Variants in FMNL2 observed in about 807,000 individuals in gnomAD.
The protein encoded by FMNL2 is formin like 2.
In FMNL2, 51 loss-of-function variants were observed where a neutral mutation model predicts 130.2. The observed-to-expected ratio is 0.39, with a 90% CI of 0.31 to 0.49. The LOEUF is 0.49. Ranked by LOEUF, FMNL2 falls within the 20% of genes least tolerant of loss-of-function variation. The probability of loss-of-function intolerance (pLI) is 0.85; values close to 1 mark genes in which losing one functional copy is unlikely to be tolerated. For missense variants in FMNL2, 977 were observed against 1,316.2 expected (o/e 0.74, Z 3.99); for synonymous variants, 465 against 467.1 (o/e 1.00, Z 0.06).
At position 152,560,875 on chromosome 2, in the gene FMNL2, T is replaced by G; in HGVS notation, c.444-8T>G. 6.2e-7 allele frequency: 1 copy of G among 1,603,372 alleles called. No individual in the cohort carries two copies. Among genetic ancestry groups the G allele is most frequent in the Non-Finnish European group, 8.5e-7 (1 of 1,173,256 alleles). ...TCAGTCTTCAATGGCATTTCTCTTT[T>G]GTTTTAGTTTTGACTTTGAAAGTGT... On this transcript the variant is annotated splice_polypyrimidine_tract_variant and splice_region_variant and intron_variant, in intron 5 of 25. Transcript: ENST00000288670.
Position 152,367,073 on chromosome 2 carries a change from G to GTGTTTTTTT in FMNL2, c.117+31354_117+31355insGTTTTTTTT, listed in dbSNP as rs1553869242. Among the ~76,000 whole-genome samples the GTGTTTTTTT allele has an allele frequency of 1.0e-4, 9 of 88,184 alleles. 4 individuals are homozygous for GTGTTTTTTT. The highest frequency in any genetic ancestry group is 2.1e-4 in the Non-Finnish European group (7 of 33,574). 57.9% of individuals were successfully genotyped at this position (88,184 alleles called of 152,430 possible). A position where few individuals can be genotyped will look rare whatever the true frequency, so the allele number is the denominator to read the frequency against. On this transcript the variant is annotated intron_variant, in intron 1 of 25. Transcript: ENST00000288670. ...CTACCCTGTTATTGTGTGTGTGTGT[G>GTGTTTTTTT]TTTGTTTTTTTTTTTTTTCCCAGAT... is the stretch of plus-strand genomic sequence containing the variant.
At chr2:152,390,638 C>T (rs1161564838) in intron 1 of FMNL2, 12 of 905,370 alleles carry the variant, frequency 1.3e-5, no homozygotes, top group South Asian at 2.6e-5. Flanking sequence ...TCAACTAGCC[C>T]GTGCTTTTTC....
intron 1 of FMNL2, among the ~76,000 whole-genome samples, chr2:152,393,230 A>G (rs1579558568): frequency 6.6e-6 from 1 of 152,344 alleles, no homozygotes; most frequent in South Asian, 2.1e-4. Context: ...GAGGAAACAC[A>G]TAGCACATTA....
intron 1 of FMNL2, among the ~76,000 whole-genome samples, chr2:152,356,985 T>C (rs1481903613): frequency 6.7e-6 from 1 of 148,988 alleles, no homozygotes; most frequent in African/African-American, 2.4e-5. Flanking sequence ...AAGTTTAATA[T>C]ATAACGATAA....
At chr2:152,586,859 T>G (rs1197880351) in intron 9 of FMNL2, among the ~76,000 whole-genome samples, 2 of 152,176 alleles carry the variant, frequency 1.3e-5, no homozygotes, top group African/African-American at 4.8e-5. Flanking sequence ...TACCCCACAC[T>G]TCATTTTTTT....
chr2:152,556,116 T>G (rs1260667448), intron 4 of FMNL2, among the ~76,000 whole-genome samples: 1 of 152,186 alleles, frequency 6.6e-6, no homozygotes, highest in African/African-American at 2.4e-5. Context: ...AAGTTCCAAG[T>G]CAAGAAGGGG....
At position 152,626,665 on chromosome 2, in the gene FMNL2, T is replaced by C. The variant is rs751110444; in HGVS notation, c.2103T>C (p.Asn701=). Residue 701 remains asparagine, a synonymous_variant, in exon 17 of 26, where the codon AAT becomes AAC. Transcript: ENST00000288670. The part of the protein sequence containing the change: ...VTLLEANRAK[N]LAITLRKAGK... ...TACTAGAAGCAAACAGGGCCAAAAA[T>C]CTTGCCATAACTTTAAGGAAAGCTG... 3.1e-6 allele frequency: 5 copies of C among 1,613,016 alleles called. No individual in the cohort carries two copies. In the Admixed American group the frequency reaches 8.3e-5, roughly 27 times the overall value.
intron 5 of FMNL2, among the ~76,000 whole-genome samples, chr2:152,559,550 C>T (rs575358285): frequency 3.3e-5 from 5 of 152,276 alleles, no homozygotes; most frequent in African/African-American, 4.8e-5. Flanking sequence ...ATGATCCACC[C>T]GCCTCGGCCT....
intron 20 of FMNL2, among the ~76,000 whole-genome samples, chr2:152,631,597 A>G (rs1682174496): frequency 6.6e-6 from 1 of 152,036 alleles, no homozygotes; most frequent in Non-Finnish European, 1.5e-5. Flanking sequence ...AGGTTTTATC[A>G]TGCTGCTCAG....
At chr2:152,569,997 T>G in intron 6 of FMNL2, among the ~76,000 whole-genome samples, 1 of 131,360 alleles carries the variant, frequency 7.6e-6, no homozygotes. Flanking sequence ...GGCAACAGAG[T>G]GAGACTCTGT....
chr2:152,644,948 C>T (rs983036979), intron 25 of FMNL2, among the ~76,000 whole-genome samples: 1 of 152,210 alleles, frequency 6.6e-6, no homozygotes, highest in Non-Finnish European at 1.5e-5. Flanking sequence ...AAGGGAAACA[C>T]ATACTCTAAT....
intron 1 of FMNL2, among the ~76,000 whole-genome samples, chr2:152,403,958 C>T (rs1239233971): frequency 1.3e-5 from 2 of 152,178 alleles, no homozygotes; most frequent in Non-Finnish European, 2.9e-5. Context: ...GTCCCAGCTT[C>T]TTGGGAGGCT....
Position 152,551,143 on chromosome 2 carries a change from GAA to G in FMNL2, c.359+2061_359+2062del, listed in dbSNP as rs5835434. 2.1e-3 allele frequency among the ~76,000 whole-genome samples: 250 copies of G among 121,282 alleles called. 1 individual carries two copies. Among genetic ancestry groups the G allele is most frequent in the African/African-American group, 6.0e-3 (202 of 33,844 alleles). 79.6% of individuals were successfully genotyped at this position (121,282 alleles called of 152,430 possible). ...TGACAGAACAAGACTCCATCTCACCGAAAAAAAAAAAAAAAAGCATTTCTTTA... is the reference window on the plus strand; with the variant it reads ...TGACAGAACAAGACTCCATCTCACCGAAAAAAAAAAAAAAGCATTTCTTTA... On this transcript the variant is annotated intron_variant, in intron 4 of 25. Transcript: ENST00000288670.
intron 9 of FMNL2, among the ~76,000 whole-genome samples, chr2:152,585,816 G>C (rs564163337): frequency 6.6e-6 from 1 of 151,582 alleles, no homozygotes; most frequent in South Asian, 2.1e-4. Context: ...CTTCAACCTA[G>C]CTCTTGCTCT....
chr2:152,600,918 A>G (rs1352875638), intron 9 of FMNL2, among the ~76,000 whole-genome samples: 1 of 152,194 alleles, frequency 6.6e-6, no homozygotes, highest in Non-Finnish European at 1.5e-5. Flanking sequence ...CAGGGCCAGC[A>G]CAGCCAAGTG....
intron 9 of FMNL2, among the ~76,000 whole-genome samples, chr2:152,594,602 C>G (rs977406296): frequency 6.6e-6 from 1 of 152,250 alleles, no homozygotes; most frequent in Non-Finnish European, 1.5e-5. Context: ...GTTAGTACCA[C>G]CGCACGAGGT....
At chr2:152,498,364 A>T (rs1451723133) in intron 1 of FMNL2, among the ~76,000 whole-genome samples, 1 of 152,234 alleles carries the variant, frequency 6.6e-6, no homozygotes, top group African/African-American at 2.4e-5. Context: ...TATTAAAAAT[A>T]CTAATTTTGG....
At chr2:152,340,942 A>G (rs1681763341) in intron 1 of FMNL2, among the ~76,000 whole-genome samples, 1 of 152,132 alleles carries the variant, frequency 6.6e-6, no homozygotes, top group Non-Finnish European at 1.5e-5. Context: ...CACCTGCCTC[A>G]GCCTCCCAGA....
Position 152,614,915 on chromosome 2 carries a change from T to C in FMNL2, c.1127T>C (p.Phe376Ser). The C allele has an allele frequency of 2.5e-6, 4 of 1,613,860 alleles. No homozygotes were observed. Among genetic ancestry groups the C allele is most frequent in the Non-Finnish European group, 3.4e-6 (4 of 1,179,864 alleles). The change falls in exon 12 of 26, where the codon TTT becomes TCT. Residue 376 changes from phenylalanine to serine, a missense_variant. By Grantham distance (155) the Phe-to-Ser change is radical (BLOSUM62 -2). Around this residue, in one of 4 missense-constraint regions of FMNL2, gnomAD observed 689 missense variants for 995.9 expected, o/e 0.69. Coordinates refer to ENST00000288670, the MANE Select transcript of FMNL2 (RefSeq NM_052905.4). ...ATCCAGGCTTACCTGGACAATGTTT[T>C]TGATGTAGGAGCTCTACTGGAAGAT... Reference protein sequence around the residue: ...VQIQAYLDNVFDVGALLEDAE... With the variant: ...VQIQAYLDNVSDVGALLEDAE...
Sources: gnomAD v4.1 joint callset for allele counts (sites outside exome capture counted in the v4.1 genomes callset) on GRCh38, gnomAD v4.1.1 for gene constraint, gnomAD v4.1.1 regional missense constraint, MANE v1.5 for transcripts, NCBI Gene and HGNC (gene_info 2026-07-23, HGNC 2026-07-21) for gene names.